Variants in PROM1 observed in about 807,000 individuals in gnomAD.
PROM1 encodes prominin 1.
A neutral mutation model predicts 116.9 loss-of-function variants in PROM1; 105 were observed. The observed-to-expected ratio is 0.90, with a 90% CI of 0.77 to 1.06. The LOEUF is 1.06. Ranked by LOEUF, PROM1 falls within the 50% of genes least tolerant of loss-of-function variation. The pLI is 0.00. For missense variants in PROM1, 1,122 were observed against 1,045.2 expected, an observed-to-expected ratio of 1.07 and a Z score of -1.01; for synonymous variants, 393 against 387.0, an observed-to-expected ratio of 1.02 and a Z score of -0.18.
intron 2 of PROM1, among the ~76,000 whole-genome samples, chr4:16,074,241 A>G (rs1022551244): frequency 6.8e-6 from 1 of 146,088 alleles, no homozygotes; most frequent in African/African-American, 2.5e-5. Context: ...AACACAAAGA[A>G]TAAATGTTTG....
chr4:16,075,944 T>A lies in PROM1; in HGVS notation c.-38A>T. 1 of 1,545,478 alleles carries A rather than the reference T, an allele frequency of 6.5e-7. No homozygotes were observed. Among genetic ancestry groups the A allele is most frequent in the South Asian group, 1.2e-5 (1 of 81,346 alleles). ...CCTCCAAACATGAGGTAGAACTTGG[T>A]GCCTCCTGCCTCAGAGCTTCTGGAA... On this transcript the variant is annotated 5_prime_UTR_variant, in exon 2 of 28. Coordinates refer to ENST00000447510, the MANE Select transcript of PROM1 (RefSeq NM_006017.3).
intron 6 of PROM1, 100 bp from the exon 7 acceptor site, chr4:16,024,458 C>T: frequency 2.1e-6 from 2 of 943,298 alleles, no homozygotes; most frequent in Non-Finnish European, 3.1e-6. Context: ...TGAATCAGGA[C>T]ATTTTCAGGT....
chr4:16,017,150 GA>G (rs1214097900), intron 9 of PROM1, among the ~76,000 whole-genome samples: 2 of 152,070 alleles, frequency 1.3e-5, no homozygotes, highest in Non-Finnish European at 2.9e-5. Flanking sequence ...TACCTTTTGA[GA>G]AAAGAACAAA....
At chr4:16,024,179 G>GA (rs992060384) in intron 7 of PROM1, 116 bp downstream of exon 7, 2 of 908,392 alleles carry the variant, frequency 2.2e-6, no homozygotes, top group African/African-American at 3.3e-5. Context: ...TAAGGCTAGG[G>GA]AATCATCTTT....
rs145148169 is a variant in PROM1, at chr4:16,068,060, G to C, written c.220+7627C>G. On this transcript the variant is annotated intron_variant, in intron 2 of 27. Transcript: ENST00000447510. The stretch of plus-strand genomic sequence containing the variant: ...GCAGGAAGCCAGAGGGAGAGGGTAG[G>C]GGAGGAGGCAGAGTAGATGTACAGA... Among the ~76,000 whole-genome samples, 560 of 152,282 alleles carry C rather than the reference G, an allele frequency of 3.7e-3. 1 individual carries two copies. Among genetic ancestry groups the C allele is most frequent in the African/African-American group, 0.013 (531 of 41,558 alleles).
intron 19 of PROM1, among the ~76,000 whole-genome samples, chr4:15,989,033 A>T (rs994521019): frequency 1.3e-5 from 2 of 152,136 alleles, no homozygotes; most frequent in African/African-American, 4.8e-5. Flanking sequence ...ACACACAAGC[A>T]TAATATAATA....
At chr4:15,990,858 G>GA (rs1337491735) in intron 18 of PROM1, among the ~76,000 whole-genome samples, 3 of 152,336 alleles carry the variant, frequency 2.0e-5, no homozygotes, top group Admixed American at 6.5e-5. Context: ...GCATTCCATT[G>GA]AAAGCGGTTA....
chr4:16,064,459 G>A (rs955581843), intron 2 of PROM1, among the ~76,000 whole-genome samples: 47 of 152,304 alleles, frequency 3.1e-4, no homozygotes, highest in African/African-American at 1.0e-3. Context: ...AGGAGACAGT[G>A]ACCAGGTAAC....
rs372743129 is a variant in PROM1 at position 16,016,211 on chromosome 4, G to A, written c.1032C>T (p.Asn344=). 67 of 1,553,892 alleles carry A rather than the reference G, an allele frequency of 4.3e-5. No individual in the cohort carries two copies. The East Asian group carries it at 6.0e-4, about 14-fold the overall frequency. ...QLPPVDAELD[N]VNNVLRTDLD... Reference sequence around the variant, plus strand: ...AATCTGTCCTAAGAACGTTATTAACGTTGTCAAGTTCTGCATCCACGGGTG... The same window carrying A: ...AATCTGTCCTAAGAACGTTATTAACATTGTCAAGTTCTGCATCCACGGGTG... The change falls in exon 10 of 28, where the codon AAC becomes AAT. Residue 344 remains asparagine, a synonymous_variant. Coordinates refer to ENST00000447510, the MANE Select transcript of PROM1 (RefSeq NM_006017.3).
At chr4:16,026,743 C>T (rs1384160773) in intron 5 of PROM1, among the ~76,000 whole-genome samples, 1 of 152,090 alleles carries the variant, frequency 6.6e-6, no homozygotes, top group Non-Finnish European at 1.5e-5. Context: ...TTTTCCTTTG[C>T]AGTATAACAT....
chr4:15,985,456 T>G, intron 22 of PROM1: 1 of 333,588 alleles, frequency 3.0e-6, no homozygotes, highest in Non-Finnish European at 5.4e-6. Context: ...ATTAAAAAGT[T>G]CTCGTGCCCA....
intron 13 of PROM1, among the ~76,000 whole-genome samples, chr4:16,005,151 T>C (rs1056181845): frequency 3.3e-5 from 5 of 151,830 alleles, no homozygotes; most frequent in East Asian, 1.9e-4. Context: ...TTAGTAGACA[T>C]GGGGTTTCAC....
Position 16,075,757 on chromosome 4 carries a change from T to C in PROM1, c.150A>G (p.Gly50=). The change falls in exon 2 of 28, where the codon GGA becomes GGG. Residue 50 remains glycine, a synonymous_variant. Coordinates refer to ENST00000447510, the MANE Select transcript of PROM1 (RefSeq NM_006017.3). ...NYETQDSHKA[G]PIGILFELVH... is the part of the protein sequence containing the mutation. The stretch of plus-strand genomic sequence containing the variant: ...CTAGTTCAAAGAGAATGCCAATGGG[T>C]CCAGCTTTATGGGAGTCTTGGGTCT... The C allele has an allele frequency of 6.2e-7, 1 of 1,613,804 alleles. No individual in the cohort carries two copies. Among genetic ancestry groups the C allele is most frequent in the Admixed American group, 1.7e-5 (1 of 59,998 alleles).
intron 13 of PROM1, among the ~76,000 whole-genome samples, chr4:16,001,383 G>A (rs1723805355): frequency 6.6e-6 from 1 of 152,114 alleles, no homozygotes; most frequent in South Asian, 2.1e-4. Flanking sequence ...GGTTTCGGAT[G>A]TACCTTAGGG....
chr4:15,991,323 T>C (rs1375285468), intron 17 of PROM1, 30 bp from the exon 18 acceptor site: 2 of 1,501,914 alleles, frequency 1.3e-6, no homozygotes, highest in Non-Finnish European at 1.8e-6. Context: ...AATTGTCTTA[T>C]GGATATGGGA....
chr4:16,023,804 C>A (rs1465659347), intron 7 of PROM1, among the ~76,000 whole-genome samples: 1 of 152,178 alleles, frequency 6.6e-6, no homozygotes, highest in Non-Finnish European at 1.5e-5. Flanking sequence ...ACTGTCCCCA[C>A]CCCACCTTCA....
intron 16 of PROM1, among the ~76,000 whole-genome samples, chr4:15,992,802 C>G (rs1443523815): frequency 6.6e-6 from 1 of 152,124 alleles, no homozygotes; most frequent in Non-Finnish European, 1.5e-5. Context: ...ACAGGGTAGG[C>G]TGGCATTCCA....
At chr4:15,975,772 G>A (rs749829128) in intron 26 of PROM1, among the ~76,000 whole-genome samples, 2 of 152,284 alleles carry the variant, frequency 1.3e-5, no homozygotes, top group South Asian at 2.1e-4. Context: ...CTGTAGACGG[G>A]CTGAACATCC....
chr4:16,033,923 ATG>A (rs904478316), intron 4 of PROM1, among the ~76,000 whole-genome samples: 2 of 150,744 alleles, frequency 1.3e-5, no homozygotes, highest in Non-Finnish European at 2.9e-5. Context: ...ATATATATGT[ATG>A]TATTTTTTTC....
Sources: gnomAD v4.1 joint callset for allele counts (sites outside exome capture counted in the v4.1 genomes callset) on GRCh38, gnomAD v4.1.1 for gene constraint, MANE v1.5 for transcripts, NCBI Gene and HGNC (gene_info 2026-07-23, HGNC 2026-07-21) for gene names.